Variants in CNGB3 observed in about 807,000 individuals in gnomAD.
CNGB3 encodes the protein cyclic nucleotide-gated channel beta-3.
CNGB3 carries 86 observed loss-of-function variants against 92.8 expected under a neutral mutation model. That is an observed-to-expected ratio of 0.93 (90% CI 0.78 to 1.11). The LOEUF is 1.11. Among genes scored for constraint, CNGB3 ranks in the 50% least tolerant of loss-of-function variants. The pLI, the probability that CNGB3 is intolerant of heterozygous loss-of-function variation, is 0.00. For synonymous variants in CNGB3, 333 were observed against 332.7 expected, an observed-to-expected ratio of 1.00 and a Z score of -0.01; for missense variants, 1,026 against 956.8, an observed-to-expected ratio of 1.07 and a Z score of -0.95.
chr8:86,741,831 T>C (rs1825347813), intron 1 of CNGB3, among the ~76,000 whole-genome samples: 1 of 152,210 alleles, frequency 6.6e-6, no homozygotes, highest in East Asian at 1.9e-4. Context: ...AAGATAACTC[T>C]TTAAGAAGTT....
chr8:86,659,168 C>T (rs3779794), intron 6 of CNGB3: 164,660 of 708,780 alleles, frequency 0.23, 21,614 homozygotes, highest in East Asian at 0.41. Flanking sequence ...TCTCCTCCCT[C>T]AATGTGTGCA....
chr8:86,581,596 G>T (rs893997905), intron 15 of CNGB3, among the ~76,000 whole-genome samples: 1 of 152,174 alleles, frequency 6.6e-6, no homozygotes, highest in African/African-American at 2.4e-5. Flanking sequence ...TTTTCCCAAT[G>T]CAGCCCCTTT....
At chr8:86,698,524 T>A (rs1251477532) in intron 3 of CNGB3, among the ~76,000 whole-genome samples, 1 of 152,226 alleles carries the variant, frequency 6.6e-6, no homozygotes, top group Non-Finnish European at 1.5e-5. Flanking sequence ...CCTCTCCACA[T>A]GCTTGATGAT....
chr8:86,722,277 AT>A (rs1167872964), intron 3 of CNGB3, among the ~76,000 whole-genome samples: 4 of 152,300 alleles, frequency 2.6e-5, no homozygotes, highest in Non-Finnish European at 5.9e-5. Flanking sequence ...ATCAAAATAT[AT>A]TTTTATATTA....
chr8:86,619,728 CTTTTTTTTT>C (rs71275868), intron 13 of CNGB3, among the ~76,000 whole-genome samples: 4 of 73,406 alleles, frequency 5.4e-5, no homozygotes, highest in Non-Finnish European at 9.7e-5. Context: ...TGGTCTTGAC[CTTTTTTTTT>C]TTTTTTTTTT....
intron 6 of CNGB3, 22 bp from the exon 7 acceptor site, chr8:86,654,084 A>G: frequency 6.6e-7 from 1 of 1,504,264 alleles, no homozygotes. Flanking sequence ...TTGTATTTTC[A>G]TTAATTTTAG....
intron 15 of CNGB3, among the ~76,000 whole-genome samples, chr8:86,593,419 TG>T (rs769996728): frequency 1.8e-4 from 27 of 152,254 alleles, no homozygotes; most frequent in Non-Finnish European, 2.8e-4. Flanking sequence ...AATGTTTCTT[TG>T]GAGTGAAAAC....
At position 86,659,619 on chromosome 8, in the gene CNGB3, G is replaced by A. The variant is rs982175433; in HGVS notation, c.853-5557C>T. The A allele has an allele frequency of 3.2e-5, 17 of 527,584 alleles. 1 individual carries two copies. The highest frequency in any genetic ancestry group is 1.8e-4 in the African/African-American group (9 of 51,168). The allele number at this position is 527,584 out of a possible 1,614,324, so 32.7% of individuals were successfully genotyped here. A position where few individuals can be genotyped will look rare whatever the true frequency, so the allele number is the denominator to read the frequency against. ...AGAGCCCACTCCAACTCTCCCACACGCGCCAGGAATACTGCAGGCAGCTGG... is the reference window on the plus strand; with the variant it reads ...AGAGCCCACTCCAACTCTCCCACACACGCCAGGAATACTGCAGGCAGCTGG... On this transcript the variant is annotated intron_variant, in intron 6 of 17. Coordinates refer to ENST00000320005, the MANE Select transcript of CNGB3 (RefSeq NM_019098.5).
In CNGB3 at chr8:86,651,126, C is replaced by T. The variant is rs1318522076; in HGVS notation, c.903+2886G>A. Among the ~76,000 whole-genome samples, 3 of 151,088 alleles carry T rather than the reference C, an allele frequency of 2.0e-5. No homozygotes were observed. The East Asian group carries it at 5.8e-4, about 29-fold the overall frequency. ...TAAGCTCTGAGTATGCAAAGGCATA[C>T]AGAGTGATATAATGGACTTTGAAGA... On this transcript the variant is annotated intron_variant, in intron 7 of 17. Transcript: ENST00000320005.
intron 3 of CNGB3, among the ~76,000 whole-genome samples, chr8:86,687,634 A>C (rs962551732): frequency 6.6e-6 from 1 of 152,046 alleles, no homozygotes; most frequent in Non-Finnish European, 1.5e-5. Flanking sequence ...GCAACACTGA[A>C]TGTACTAAAT....
At chr8:86,690,986 G>A (rs1011572810) in intron 3 of CNGB3, among the ~76,000 whole-genome samples, 9 of 152,328 alleles carry the variant, frequency 5.9e-5, no homozygotes, top group African/African-American at 1.9e-4. Context: ...TTGAAGTCAG[G>A]TAGTGTGATG....
intron 15 of CNGB3, among the ~76,000 whole-genome samples, chr8:86,589,460 T>C (rs1821974569): frequency 6.6e-6 from 1 of 151,666 alleles, no homozygotes; most frequent in Non-Finnish European, 1.5e-5. Flanking sequence ...TTTCCTGCTT[T>C]CTCTTGCGGG....
chr8:86,667,130 C>A lies in CNGB3; in HGVS notation c.647G>T (p.Arg216Leu), dbSNP rs760287680. 5.0e-6 allele frequency: 8 copies of A among 1,613,534 alleles called. No individual in the cohort carries two copies. Among genetic ancestry groups the A allele is most frequent in the South Asian group, 1.1e-5 (1 of 90,972 alleles). Residue 216 changes from arginine (R) to leucine (L), a missense_variant, in exon 6 of 18, where the codon CGA (arginine) becomes CTA (leucine). Coordinates refer to ENST00000320005, the MANE Select transcript of CNGB3 (RefSeq NM_019098.5). ...AAGCAAGAGCCACAGGAGATAGAGTCGATCTGGAAAAACAGCAAGTGGTGA... is the reference window on the plus strand; with the variant it reads ...AAGCAAGAGCCACAGGAGATAGAGTAGATCTGGAAAAACAGCAAGTGGTGA... ...LPNSIDSYTDRLYLLWLLLVT... is the reference protein window; with the variant it reads ...LPNSIDSYTDLLYLLWLLLVT...
intron 2 of CNGB3, among the ~76,000 whole-genome samples, chr8:86,735,042 G>GTTTTTTTTTT (rs60107723): frequency 3.5e-5 from 3 of 85,886 alleles, no homozygotes; most frequent in Non-Finnish European, 4.2e-5. Flanking sequence ...AATGCCGGTG[G>GTTTTTTTTTT]TTTTTTTTTT....
chr8:86,632,719 C>G lies in CNGB3; in HGVS notation c.1320+33G>C, dbSNP rs767074863. On this transcript the variant is annotated intron_variant, in intron 11 of 17. Transcript: ENST00000320005. The stretch of plus-strand genomic sequence containing the variant: ...ACCTGTTAGTCTTTCAAAATGACAG[C>G]ACTGTGTATCCAGTGATTCATACTC... The G allele has an allele frequency of 5.6e-6, 9 of 1,608,208 alleles. No homozygotes were observed. The African/African-American group carries it at 1.1e-4, about 19-fold the overall frequency.
chr8:86,662,047 A>AG (rs1823650996), intron 6 of CNGB3: 1 of 301,718 alleles, frequency 3.3e-6, no homozygotes, highest in Non-Finnish European at 6.1e-6. Flanking sequence ...CAGGGCTGCG[A>AG]GGGTGCGCTG....
At chr8:86,659,520 C>A (rs1033381638) in intron 6 of CNGB3, 19 of 605,336 alleles carry the variant, frequency 3.1e-5, no homozygotes, top group African/African-American at 1.7e-4. Context: ...ATAACTCCAG[C>A]CTGAGGGCAT....
chr8:86,726,958 C>A (rs565921545), intron 2 of CNGB3, among the ~76,000 whole-genome samples: 59 of 152,232 alleles, frequency 3.9e-4, no homozygotes, highest in Non-Finnish European at 7.9e-4. Context: ...TTATATCATA[C>A]AAATCCTGAT....
rs201135053 is a variant in CNGB3, at chr8:86,614,620, CT to C, written c.1579-2950del. ...GCCTGACTGACATATCCAAACCTAACTTTTTTTTCCAGTAGAGGGTTTTCCT... is the reference window on the plus strand; with the variant it reads ...GCCTGACTGACATATCCAAACCTAACTTTTTTTCCAGTAGAGGGTTTTCCT... On this transcript the variant is annotated intron_variant, in intron 13 of 17. Transcript: ENST00000320005. 3.9e-5 allele frequency among the ~76,000 whole-genome samples: 6 copies of C among 152,182 alleles called. 1 individual carries two copies.
Sources: gnomAD v4.1 joint callset for allele counts (sites outside exome capture counted in the v4.1 genomes callset) on GRCh38, gnomAD v4.1.1 for gene constraint, MANE v1.5 for transcripts, NCBI Gene and HGNC (gene_info 2026-07-23, HGNC 2026-07-21) for gene names.